The following MTUS1 variants were observed in gnomAD, a reference collection of about 807,000 sequenced individuals.
MTUS1 encodes microtubule associated scaffold protein 1, also known as microtubule-associated tumor suppressor 1.
In MTUS1, 109 loss-of-function variants were observed where a neutral mutation model predicts 120.8. The observed-to-expected ratio is 0.90, with a 90% confidence interval of 0.77 to 1.06. MTUS1 has a LOEUF of 1.06. Among genes scored for constraint, MTUS1 ranks in the 50% least tolerant of loss-of-function variants. MTUS1 has a pLI of 0.00. For synonymous variants in MTUS1, 737 were observed against 550.5 expected (o/e 1.34, Z -4.74); for missense variants, 2,210 against 1,486.3 (o/e 1.49, Z -8.01).
rs1585817307 is a variant in MTUS1, at chr8:17,703,869, A to C, written c.2623+9345T>G. 3 of 152,230 alleles carry C rather than the reference A, an allele frequency of 2.0e-5. No homozygotes were observed. In the South Asian group the frequency reaches 6.2e-4, roughly 32 times the overall value. The allele number at this position is 152,230 out of a possible 1,614,324, so 9.4% of individuals were successfully genotyped here. On this transcript the variant is annotated intron_variant, in intron 6 of 14. Transcript: ENST00000693296. ...TGGTCCTGTTTCCTCAGAAGCATGTAATCTTTGCTCTGCCTTTTTCCCTTT... is the reference window on the plus strand; with the variant it reads ...TGGTCCTGTTTCCTCAGAAGCATGTCATCTTTGCTCTGCCTTTTTCCCTTT...
rs1323847902 is a variant in MTUS1 at position 17,725,396 on chromosome 8, C to G, written c.2288-1563G>C. Among the ~76,000 whole-genome samples, 3 of 152,298 alleles carry G rather than the reference C, an allele frequency of 2.0e-5. No homozygotes were observed. The East Asian group carries it at 5.8e-4, about 29-fold the overall frequency. ...TAAGCTCCCCTCCTTCGGCTCCAGC[C>G]TCACTCTTGTATGGCTCTCCTACAT... On this transcript the variant is annotated intron_variant, in intron 3 of 14. Transcript: ENST00000693296.
intron 1 of MTUS1, among the ~76,000 whole-genome samples, chr8:17,768,750 A>C (rs2049772445): frequency 6.6e-6 from 1 of 152,174 alleles, no homozygotes; most frequent in Non-Finnish European, 1.5e-5. Flanking sequence ...AAACCATTAC[A>C]AGACCACCAG....
chr8:17,756,054 CT>C, intron 1 of MTUS1, 93 bp from the exon 2 acceptor site: 1 of 660,342 alleles, frequency 1.5e-6, no homozygotes, highest in Non-Finnish European at 2.3e-6. Context: ...GTTTCAATCA[CT>C]TTATGTTCAC....
At chr8:17,781,656 C>G (rs781190086) in intron 1 of MTUS1, among the ~76,000 whole-genome samples, 2 of 152,262 alleles carry the variant, frequency 1.3e-5, no homozygotes, top group East Asian at 1.9e-4. Flanking sequence ...CCCCTACACA[C>G]GCCAAGAAGA....
chr8:17,744,689 CTTTTT>C (rs58283163), intron 2 of MTUS1, among the ~76,000 whole-genome samples: 8 of 99,014 alleles, frequency 8.1e-5, no homozygotes, highest in Non-Finnish European at 1.6e-4. Context: ...ACCATGTTTT[CTTTTT>C]TTTTTTTTTT....
intron 2 of MTUS1, among the ~76,000 whole-genome samples, chr8:17,752,641 CA>C (rs2048288274): frequency 6.6e-6 from 1 of 151,714 alleles, no homozygotes; most frequent in Non-Finnish European, 1.5e-5. Context: ...TTGTGGTCCC[CA>C]TGCACCCTGA....
intron 3 of MTUS1, chr8:17,724,264 G>T: frequency 3.6e-6 from 1 of 277,716 alleles, no homozygotes; most frequent in South Asian, 3.1e-5. Context: ...AAATAAATAA[G>T]AACCAAGTCC....
chr8:17,708,647 T>C (rs1215553736), intron 6 of MTUS1: 1 of 152,332 alleles, frequency 6.6e-6, no homozygotes, highest in South Asian at 2.1e-4. Flanking sequence ...CTATCTTTTT[T>C]CCCCAGATAT....
intron 1 of MTUS1, among the ~76,000 whole-genome samples, chr8:17,766,644 T>C (rs2049522957): frequency 6.6e-6 from 1 of 152,228 alleles, no homozygotes; most frequent in Admixed American, 6.5e-5. Flanking sequence ...TGTAAGAAAG[T>C]ATTGTCCTGG....
chr8:17,760,588 C>G (rs916109509), intron 1 of MTUS1, among the ~76,000 whole-genome samples: 4 of 152,122 alleles, frequency 2.6e-5, no homozygotes, highest in African/African-American at 9.7e-5. Flanking sequence ...GTTTTACTGC[C>G]TATTTTATTT....
chr8:17,651,336 C>T (rs1030443209), intron 12 of MTUS1, among the ~76,000 whole-genome samples: 1 of 151,952 alleles, frequency 6.6e-6, no homozygotes, highest in African/African-American at 2.4e-5. Flanking sequence ...AAAATAGCTA[C>T]AAGAGAAGAT....
chr8:17,710,297 A>G (rs543584003), intron 6 of MTUS1, among the ~76,000 whole-genome samples: 1 of 152,324 alleles, frequency 6.6e-6, no homozygotes, highest in South Asian at 2.1e-4. Flanking sequence ...AGTCTTTCAA[A>G]ATTGGAGTCA....
chr8:17,664,710 G>C (rs1440211825), intron 8 of MTUS1, among the ~76,000 whole-genome samples: 1 of 152,118 alleles, frequency 6.6e-6, no homozygotes, highest in Non-Finnish European at 1.5e-5. Context: ...CCGTAGGAGT[G>C]TGATGATGTC....
intron 1 of MTUS1, among the ~76,000 whole-genome samples, chr8:17,765,295 C>T (rs141204206): frequency 1.3e-5 from 2 of 152,098 alleles, no homozygotes; most frequent in African/African-American, 2.4e-5. Flanking sequence ...TAACAGGCCA[C>T]AGCCCAGGAA....
rs553129735 is a variant in MTUS1, at chr8:17,738,227, T to G, written c.2287+5377A>C. 8.8e-4 allele frequency among the ~76,000 whole-genome samples: 134 copies of G among 152,320 alleles called. 1 individual carries two copies. Among genetic ancestry groups the G allele is most frequent in the African/African-American group, 3.1e-3 (130 of 41,578 alleles). Reference sequence around the variant, plus strand: ...TCTTCACCGACCCACCCCTGGACATTCTTCTCATGGGGCCTTTTCCCCACC... The same window carrying G: ...TCTTCACCGACCCACCCCTGGACATGCTTCTCATGGGGCCTTTTCCCCACC... On this transcript the variant is annotated intron_variant, in intron 3 of 14. Transcript: ENST00000693296.
intron 6 of MTUS1, among the ~76,000 whole-genome samples, chr8:17,690,203 G>A (rs1005267047): frequency 1.5e-4 from 23 of 152,084 alleles, no homozygotes; most frequent in African/African-American, 5.3e-4. Flanking sequence ...ATAAAAAATG[G>A]GCAAAGGACA....
At chr8:17,736,307 G>A (rs1414988116) in intron 3 of MTUS1, among the ~76,000 whole-genome samples, 3 of 152,190 alleles carry the variant, frequency 2.0e-5, no homozygotes, top group Non-Finnish European at 4.4e-5. Context: ...GCCCTGCTTG[G>A]TTGGTCCTGA....
At chr8:17,663,576 T>C (rs1810240693) in intron 8 of MTUS1, among the ~76,000 whole-genome samples, 1 of 149,298 alleles carries the variant, frequency 6.7e-6, no homozygotes, top group Non-Finnish European at 1.5e-5. Context: ...TTAAACTTTC[T>C]AAGCCTACTT....
chr8:17,666,347 GATC>G (rs1302864277), intron 8 of MTUS1, among the ~76,000 whole-genome samples: 1 of 151,764 alleles, frequency 6.6e-6, no homozygotes, highest in East Asian at 1.9e-4. Flanking sequence ...CTCACTGACG[GATC>G]ATTTTTAGAG....
Sources: gnomAD v4.1 joint callset for allele counts (sites outside exome capture counted in the v4.1 genomes callset) on GRCh38, gnomAD v4.1.1 for gene constraint, MANE v1.5 for transcripts, NCBI Gene and HGNC (gene_info 2026-07-23, HGNC 2026-07-21) for gene names.